IQCM: variants seen among roughly 807,000 people sequenced by gnomAD.
IQCM encodes the protein IQ domain-containing protein M.
IQCM carries 45 observed loss-of-function variants against 57.6 expected under a neutral mutation model. The observed-to-expected ratio is 0.78, with a 90% CI of 0.62 to 1.00. IQCM has a LOEUF of 1.00. Ranked by LOEUF, IQCM falls within the 50% of genes least tolerant of loss-of-function variation. IQCM has a pLI of 0.00. For missense variants in IQCM, 468 were observed against 511.6 expected (o/e 0.91, Z 0.82); for synonymous variants, 148 against 158.9 (o/e 0.93, Z 0.51).
rs542757322 is a variant in IQCM, at chr4:149,483,739, T to C, written c.1229-50182A>G. ...CATATGCTGAAGAAAATAATGTGTG[T>C]TCTGTAGCCATTGGATGAAATGTTC... On this transcript the variant is annotated intron_variant, in intron 12 of 13. Transcript: ENST00000636793. 1.3e-4 allele frequency among the ~76,000 whole-genome samples: 20 copies of C among 152,164 alleles called. No homozygotes were observed. The East Asian group carries it at 3.7e-3, about 28-fold the overall frequency.
At chr4:149,803,906 T>C (rs1773843188) in intron 2 of IQCM, among the ~76,000 whole-genome samples, 1 of 151,918 alleles carries the variant, frequency 6.6e-6, no homozygotes, top group Admixed American at 6.6e-5. Context: ...AAATGTTCTA[T>C]AATCTTCTGA....
At chr4:149,359,383 T>A (rs968948806) in intron 13 of IQCM, among the ~76,000 whole-genome samples, 1 of 152,170 alleles carries the variant, frequency 6.6e-6, no homozygotes, top group Non-Finnish European at 1.5e-5. Flanking sequence ...TGGTTATAAT[T>A]TAGCCTTATA....
At chr4:149,570,484 T>C (rs1391413989) in intron 9 of IQCM, among the ~76,000 whole-genome samples, 4 of 151,990 alleles carry the variant, frequency 2.6e-5, no homozygotes, top group African/African-American at 9.7e-5. Flanking sequence ...TTTGAGGATA[T>C]TAAAAAGAGA....
chr4:149,700,498 T>C (rs961854159), intron 5 of IQCM, among the ~76,000 whole-genome samples: 2 of 151,986 alleles, frequency 1.3e-5, no homozygotes, highest in African/African-American at 4.8e-5. Context: ...CTATTCTCTT[T>C]TAGCTCACAG....
chr4:149,751,882 C>T (rs926834539), intron 2 of IQCM, among the ~76,000 whole-genome samples: 2 of 151,942 alleles, frequency 1.3e-5, no homozygotes, highest in Admixed American at 6.6e-5. Context: ...AGAAGGATGG[C>T]GAGTGCCTCA....
intron 13 of IQCM, among the ~76,000 whole-genome samples, chr4:149,386,899 T>A (rs564320829): frequency 6.6e-6 from 1 of 152,188 alleles, no homozygotes. Flanking sequence ...GGTTCAGATT[T>A]AATATCTTTT....
intron 13 of IQCM, among the ~76,000 whole-genome samples, chr4:149,418,653 C>A (rs1298489649): frequency 1.3e-5 from 2 of 151,974 alleles, no homozygotes; most frequent in African/African-American, 4.8e-5. Flanking sequence ...AAACTTCAGG[C>A]CAATATCTCT....
chr4:149,638,103 G>A (rs1323643544), intron 7 of IQCM, among the ~76,000 whole-genome samples: 6 of 152,234 alleles, frequency 3.9e-5, no homozygotes, highest in Admixed American at 2.6e-4. Flanking sequence ...AAGACAACTC[G>A]ATTTTTAAAA....
intron 2 of IQCM, among the ~76,000 whole-genome samples, chr4:149,812,061 T>C (rs1045845628): frequency 6.6e-6 from 1 of 152,200 alleles, no homozygotes; most frequent in African/African-American, 2.4e-5. Context: ...GAATAAAGCA[T>C]TGACTGAAAT....
chr4:149,368,754 A>T (rs141845737), intron 13 of IQCM, among the ~76,000 whole-genome samples: 1 of 103,534 alleles, frequency 9.7e-6, no homozygotes, highest in Non-Finnish European at 2.1e-5. Context: ...ATATATATAC[A>T]TGTATATATA....
chr4:149,763,016 A>G (rs1464130795), intron 2 of IQCM, among the ~76,000 whole-genome samples: 9 of 152,086 alleles, frequency 5.9e-5, no homozygotes, highest in Non-Finnish European at 1.3e-4. Context: ...ATAACTTCAT[A>G]CTCCACAAGA....
At chr4:149,766,591 C>G (rs1011490628) in intron 2 of IQCM, among the ~76,000 whole-genome samples, 1 of 152,128 alleles carries the variant, frequency 6.6e-6, no homozygotes, top group Non-Finnish European at 1.5e-5. Flanking sequence ...AAGGCTGGGT[C>G]TACCCAATAT....
intron 2 of IQCM, among the ~76,000 whole-genome samples, chr4:149,773,773 T>C (rs74366011): frequency 0.022 from 3,402 of 152,272 alleles, 65 homozygotes; most frequent in South Asian, 0.036. Context: ...AATTATTTCA[T>C]GCAAGTGTTC....
intron 12 of IQCM, among the ~76,000 whole-genome samples, chr4:149,447,055 G>A (rs145311896): frequency 7.3e-5 from 11 of 151,588 alleles, no homozygotes; most frequent in African/African-American, 1.7e-4. Flanking sequence ...ATGAGACAGA[G>A]AGATAATAAA....
chr4:149,351,898 G>A lies in IQCM; in HGVS notation c.*53C>T, dbSNP rs1338581313. 1 of 397,968 alleles carries A rather than the reference G, an allele frequency of 2.5e-6. No homozygotes were observed. Among genetic ancestry groups the A allele is most frequent in the Admixed American group, 4.4e-5 (1 of 22,696 alleles). The allele number at this position is 397,968 out of a possible 1,614,324, so 24.7% of individuals were successfully genotyped here. ...ATTGATCCACCTCCAGTGTTAACTT[G>A]TCTCTTTGGGTAGAGAAGTTTAACT... On this transcript the variant is annotated 3_prime_UTR_variant, in exon 14 of 14. Coordinates refer to ENST00000636793, the MANE Select transcript of IQCM (RefSeq NM_001363507.2).
In IQCM at chr4:149,717,944, C is replaced by T. The variant is rs6824344; in HGVS notation, c.385+15300G>A. Among the ~76,000 whole-genome samples, 752 of 152,278 alleles carry T rather than the reference C, an allele frequency of 4.9e-3. 3 individuals are homozygous for T. Among genetic ancestry groups the T allele is most frequent in the African/African-American group, 0.017 (716 of 41,552 alleles). On this transcript the variant is annotated intron_variant, in intron 5 of 13. Transcript: ENST00000636793. ...GCTATTGGCAAATCCCCGGTGCCTA[C>T]AAGTAGTTAGTAACATGGTGGCCTC... is the stretch of plus-strand genomic sequence containing the variant.
intron 13 of IQCM, among the ~76,000 whole-genome samples, chr4:149,383,683 G>A (rs557255273): frequency 6.6e-6 from 1 of 152,170 alleles, no homozygotes; most frequent in African/African-American, 2.4e-5. Context: ...GCCGTGCATG[G>A]TGGCTTACGT....
At chr4:149,686,148 C>T (rs1762531776) in intron 6 of IQCM, among the ~76,000 whole-genome samples, 1 of 151,274 alleles carries the variant, frequency 6.6e-6, no homozygotes, top group East Asian at 1.9e-4. Context: ...ACTGTAAAAC[C>T]CAGATGGTTT....
intron 12 of IQCM, among the ~76,000 whole-genome samples, chr4:149,511,410 C>A (rs1744402524): frequency 6.6e-6 from 1 of 151,624 alleles, no homozygotes; most frequent in Non-Finnish European, 1.5e-5. Flanking sequence ...TGTCTGTAAT[C>A]CCAGCTACTT....
Sources: allele counts gnomAD v4.1 joint callset (sites outside exome capture counted in the v4.1 genomes callset), GRCh38; gene constraint gnomAD v4.1.1; transcripts MANE v1.5; gene names NCBI Gene and HGNC (gene_info 2026-07-23, HGNC 2026-07-21).